CCSER1: variants seen among roughly 807,000 people sequenced by gnomAD.
CCSER1 encodes coiled-coil serine rich protein 1, also known as serine-rich coiled-coil domain-containing protein 1.
CCSER1 carries 41 observed loss-of-function variants against 82.0 expected under a neutral mutation model. The ratio of observed to expected loss-of-function variants is 0.50; its 90% CI spans 0.39 to 0.65. The LOEUF is 0.65. CCSER1 is among the 30% of genes least tolerant of loss of function. CCSER1 has a pLI of 0.00. For synonymous variants in CCSER1, 414 were observed against 383.9 expected (o/e 1.08, Z -0.92); for missense variants, 1,119 against 1,064.2 (o/e 1.05, Z -0.72).
At chr4:91,369,400 C>G (rs1009290426) in intron 10 of CCSER1, among the ~76,000 whole-genome samples, 13 of 152,126 alleles carry the variant, frequency 8.5e-5, no homozygotes, top group Admixed American at 4.6e-4. Flanking sequence ...TTCAGGAAAG[C>G]TAAGTAATAT....
rs562126843 is a variant in CCSER1, at chr4:90,186,751, C to A, written c.-42+58920C>A. 1.6e-4 allele frequency among the ~76,000 whole-genome samples: 25 copies of A among 151,652 alleles called. No homozygotes were observed. The South Asian group carries it at 5.2e-3, about 32-fold the overall frequency. On this transcript the variant is annotated intron_variant, in intron 1 of 10. Transcript: ENST00000509176. ...AAAAACTGTAAAGTGTACCTTTTTC[C>A]TTTTCTATTTTTTTGTTTGTTTTTT...
At position 91,442,800 on chromosome 4, in the gene CCSER1, A is replaced by G. The variant is rs988454163; in HGVS notation, c.2218-155772A>G. Among the ~76,000 whole-genome samples, 16 of 151,470 alleles carry G rather than the reference A, an allele frequency of 1.1e-4. No individual in the cohort carries two copies. In the East Asian group the frequency reaches 2.9e-3, roughly 28 times the overall value. ...AGAAAAAAACAAACAACCCCATCAAAAAGTGGGCAAAGGACATGAACAGAC... is the reference window on the plus strand; with the variant it reads ...AGAAAAAAACAAACAACCCCATCAAGAAGTGGGCAAAGGACATGAACAGAC... On this transcript the variant is annotated intron_variant, in intron 10 of 10. Transcript: ENST00000509176.
At chr4:90,391,502 T>G (rs1208681831) in intron 3 of CCSER1, among the ~76,000 whole-genome samples, 1 of 66,122 alleles carries the variant, frequency 1.5e-5, no homozygotes, top group Non-Finnish European at 2.5e-5. Context: ...ACACAGTGGG[T>G]AAATATATAT....
At chr4:90,600,121 A>C (rs1274445225) in intron 5 of CCSER1, among the ~76,000 whole-genome samples, 1 of 152,108 alleles carries the variant, frequency 6.6e-6, no homozygotes, top group Non-Finnish European at 1.5e-5. Flanking sequence ...CTGCTAATGG[A>C]TATTTGGATT....
At chr4:91,346,662 T>G (rs1748085515) in intron 10 of CCSER1, among the ~76,000 whole-genome samples, 1 of 152,224 alleles carries the variant, frequency 6.6e-6, no homozygotes, top group African/African-American at 2.4e-5. Context: ...TGTCAGTGTT[T>G]TGGATTTTCA....
intron 10 of CCSER1, among the ~76,000 whole-genome samples, chr4:91,235,587 G>A (rs1197734594): frequency 2.6e-5 from 4 of 152,028 alleles, no homozygotes; most frequent in South Asian, 2.1e-4. Flanking sequence ...AAAAATCAAC[G>A]TATCTTTTTA....
At chr4:90,834,740 T>C (rs1761568063) in intron 8 of CCSER1, among the ~76,000 whole-genome samples, 1 of 152,192 alleles carries the variant, frequency 6.6e-6, no homozygotes, top group Admixed American at 6.5e-5. Context: ...ACCTGATGTG[T>C]ACATCCCATG....
intron 6 of CCSER1, among the ~76,000 whole-genome samples, chr4:90,630,809 A>T (rs1392561090): frequency 2.6e-5 from 4 of 151,042 alleles, no homozygotes; most frequent in Non-Finnish European, 5.9e-5. Flanking sequence ...TAATATAAAA[A>T]ATTCATTCCT....
intron 10 of CCSER1, among the ~76,000 whole-genome samples, chr4:91,506,823 AC>A (rs1759517588): frequency 6.6e-6 from 1 of 151,992 alleles, no homozygotes; most frequent in Admixed American, 6.6e-5. Context: ...GGTCTCCCAA[AC>A]CCTGGCGAAT....
intron 5 of CCSER1, among the ~76,000 whole-genome samples, chr4:90,554,435 T>A (rs1777881824): frequency 1.3e-5 from 2 of 152,220 alleles, no homozygotes; most frequent in Non-Finnish European, 2.9e-5. Context: ...TGTGATAATA[T>A]GTGATTCAAT....
intron 8 of CCSER1, among the ~76,000 whole-genome samples, chr4:90,899,897 C>CTTATAGTT (rs1340765043): frequency 6.6e-6 from 1 of 151,786 alleles, no homozygotes; most frequent in Non-Finnish European, 1.5e-5. Context: ...GGGATGTTGA[C>CTTATAGTT]TTATAGTTTT....
chr4:90,311,043 A>G (rs116662434), intron 2 of CCSER1, among the ~76,000 whole-genome samples: 2,052 of 152,134 alleles, frequency 0.013, 34 homozygotes, highest in African/African-American at 0.046. Context: ...ACCCTTTTGT[A>G]TAATTAATAT....
chr4:90,958,692 C>T (rs1733764194), intron 9 of CCSER1, among the ~76,000 whole-genome samples: 1 of 152,046 alleles, frequency 6.6e-6, no homozygotes, highest in East Asian at 1.9e-4. Flanking sequence ...GGATTCATGT[C>T]CTTATAAGGG....
intron 3 of CCSER1, among the ~76,000 whole-genome samples, chr4:90,340,424 G>T (rs1741187408): frequency 6.6e-6 from 1 of 152,112 alleles, no homozygotes; most frequent in African/African-American, 2.4e-5. Context: ...AGTCCTCAGA[G>T]AAAGCTGCAC....
At chr4:90,628,993 C>T (rs991971854) in intron 6 of CCSER1, among the ~76,000 whole-genome samples, 1 of 152,028 alleles carries the variant, frequency 6.6e-6, no homozygotes, top group Non-Finnish European at 1.5e-5. Context: ...TTCAGGGCAA[C>T]AGCCTGAAAT....
At chr4:91,573,004 G>T (rs1330625417) in intron 10 of CCSER1, among the ~76,000 whole-genome samples, 1 of 152,042 alleles carries the variant, frequency 6.6e-6, no homozygotes, top group Non-Finnish European at 1.5e-5. Context: ...TCAAATCTTT[G>T]TCTGCTGGAA....
chr4:91,256,069 C>T (rs997133986), intron 10 of CCSER1, among the ~76,000 whole-genome samples: 10 of 152,002 alleles, frequency 6.6e-5, no homozygotes, highest in South Asian at 2.1e-4. Context: ...AGAGAAATAT[C>T]GCTCAATTCT....
At chr4:90,369,666 G>A (rs1196819036) in intron 3 of CCSER1, among the ~76,000 whole-genome samples, 1 of 151,888 alleles carries the variant, frequency 6.6e-6, no homozygotes, top group Non-Finnish European at 1.5e-5. Flanking sequence ...TATCTATTAA[G>A]ACATCACAGG....
chr4:90,145,356 G>A (rs1370045340), intron 1 of CCSER1, among the ~76,000 whole-genome samples: 1 of 151,968 alleles, frequency 6.6e-6, no homozygotes, highest in African/African-American at 2.4e-5. Flanking sequence ...ATAAAATTAG[G>A]AAGTGTAAAA....
Sources: allele counts gnomAD v4.1 joint callset (sites outside exome capture counted in the v4.1 genomes callset), GRCh38; gene constraint gnomAD v4.1.1; transcripts MANE v1.5; gene names NCBI Gene and HGNC (gene_info 2026-07-23, HGNC 2026-07-21).